The following OR4P4 variants were observed in gnomAD, a reference collection of about 807,000 sequenced individuals.
OR4P4 encodes the protein olfactory receptor family 4 subfamily P member 4.
A neutral mutation model predicts 2.1 loss-of-function variants in OR4P4; 1 was observed. The ratio of observed to expected loss-of-function variants is 0.47; its 90% CI spans 0.17 to 2.21. The LOEUF is 2.21. Ranked by LOEUF, OR4P4 falls within the 30% of genes most tolerant of loss-of-function variation. OR4P4 has a pLI of 0.27. For missense variants in OR4P4, 375 were observed against 376.5 expected (o/e 1.00, Z 0.03); for synonymous variants, 129 against 133.2 (o/e 0.97, Z 0.22).
chr11:55,639,022 C>A lies in OR4P4; in HGVS notation c.665C>A (p.Thr222Asn), dbSNP rs768041591. The A allele has an allele frequency of 1.3e-6, 2 of 1,491,948 alleles. 1 individual carries two copies. Among genetic ancestry groups the A allele is most frequent in the Non-Finnish European group, 1.8e-6 (2 of 1,097,028 alleles). The allele number at this position is 1,491,948 out of a possible 1,614,324, so 92.4% of individuals were successfully genotyped here. A position where few individuals can be genotyped will look rare whatever the true frequency, so the allele number is the denominator to read the frequency against. The stretch of plus-strand genomic sequence containing the variant: ...TTGTCTTATGTTTTTATATTGTATA[C>A]CATCAGAGCATACTCTGCAGAGAGA... The change falls in exon 2 of 2, where the codon ACC (threonine) becomes AAC (asparagine). Residue 222 changes from threonine to asparagine, a missense_variant. Coordinates refer to ENST00000641760, the Ensembl canonical transcript of OR4P4.
intron 1 of OR4P4, among the ~76,000 whole-genome samples, chr11:55,635,881 T>G (rs1174276000): frequency 7.3e-6 from 1 of 137,522 alleles, no homozygotes; most frequent in Non-Finnish European, 1.6e-5. Context: ...ACACTAAGCT[T>G]AAGGAGGACC....
exon 2 of OR4P4, chr11:55,639,284 T>C (rs775881168): frequency 7.0e-7 from 1 of 1,420,634 alleles, no homozygotes; most frequent in African/African-American, 1.4e-5. Flanking sequence ...TGAAAAGAAA[T>C]CAACTTTTCT....
In OR4P4 at chr11:55,637,234, T is replaced by G. The variant is rs534724603; in HGVS notation, c.-30-1094T>G. On this transcript the variant is annotated intron_variant, in intron 1 of 1. Coordinates refer to ENST00000641760, the Ensembl canonical transcript of OR4P4. ...TACTTTACTTACAGGCTTAATTTTA[T>G]GTAAGAGTCTTAATATGCTTGTTGG... Among the ~76,000 whole-genome samples the G allele has an allele frequency of 4.9e-4, 68 of 138,710 alleles. 16 individuals are homozygous for G. Among genetic ancestry groups the G allele is most frequent in the Admixed American group, 4.7e-4 (6 of 12,790 alleles). 91.0% of individuals were successfully genotyped at this position (138,710 alleles called of 152,430 possible).
chr11:55,639,785 T>A (rs1858437184), exon 2 of OR4P4: 2 of 140,152 alleles, frequency 1.4e-5, no homozygotes, highest in Non-Finnish European at 3.1e-5. Context: ...GAGGTCCTCC[T>A]TATTCCTCTT....
chr11:55,636,123 A>G (rs1858385490), intron 1 of OR4P4, among the ~76,000 whole-genome samples: 1 of 137,778 alleles, frequency 7.3e-6, no homozygotes, highest in Admixed American at 7.9e-5. Context: ...GCAGAAAGGA[A>G]ACATATGCGC....
rs2120178722 is a variant in OR4P4 at position 55,636,084 on chromosome 11, G to C, written c.-31+868G>C. On this transcript the variant is annotated intron_variant, in intron 1 of 1. Transcript: ENST00000641760. ...AATGATATTGTGAGAAGAGTTCTTA[G>C]ATAGAATTGAGGCTAGTGTCCTCAT... is the stretch of plus-strand genomic sequence containing the variant. Among the ~76,000 whole-genome samples the C allele has an allele frequency of 1.4e-5, 2 of 137,944 alleles. 1 individual carries two copies. Among genetic ancestry groups the C allele is most frequent in the South Asian group, 4.7e-4 (2 of 4,242 alleles). 90.5% of individuals were successfully genotyped at this position (137,944 alleles called of 152,430 possible).
intron 1 of OR4P4, among the ~76,000 whole-genome samples, chr11:55,636,877 A>G (rs1858394472): frequency 7.2e-6 from 1 of 138,416 alleles, no homozygotes; most frequent in Non-Finnish European, 1.6e-5. Context: ...AAAGCATTTT[A>G]AAACAAGTTA....
chr11:55,636,034 T>C (rs1328722699), intron 1 of OR4P4, among the ~76,000 whole-genome samples: 1 of 137,692 alleles, frequency 7.3e-6, no homozygotes, highest in Non-Finnish European at 1.6e-5. Context: ...TGAAAAACTT[T>C]GACAAAAAAG....
At chr11:55,639,126 A>C in exon 2 of OR4P4, 1 of 1,494,044 alleles carries the variant, frequency 6.7e-7, no homozygotes, top group Non-Finnish European at 9.1e-7. Flanking sequence ...GTTCATTTAC[A>C]TTAGACCGGT....
rs1268760821 is a variant in OR4P4, at chr11:55,636,443, C to T, written c.-31+1227C>T. ...TTAAGTATCACTGTCTAAAATGGAG[C>T]GATGACTGAAATTCAAGAAGTGTCC... On this transcript the variant is annotated intron_variant, in intron 1 of 1. Transcript: ENST00000641760. 1.5e-5 allele frequency among the ~76,000 whole-genome samples: 2 copies of T among 137,802 alleles called. 1 individual carries two copies. Among genetic ancestry groups the T allele is most frequent in the African/African-American group, 5.0e-5 (2 of 39,846 alleles). 90.4% of individuals were successfully genotyped at this position (137,802 alleles called of 152,430 possible). A position where few individuals can be genotyped will look rare whatever the true frequency, so the allele number is the denominator to read the frequency against.
exon 2 of OR4P4, chr11:55,638,359 T>C: frequency 7.5e-7 from 1 of 1,325,946 alleles, no homozygotes; most frequent in South Asian, 1.4e-5. Flanking sequence ...CACTGGACCA[T>C]GGAAAAAAGC....
At chr11:55,637,257 T>C (rs115820907) in intron 1 of OR4P4, among the ~76,000 whole-genome samples, 1,488 of 138,594 alleles carry the variant, frequency 0.011, 177 homozygotes, top group African/African-American at 0.036. Context: ...ATATGCTTGT[T>C]GGGGTTAAGA....
Position 55,639,542 on chromosome 11 carries a change from A to G in OR4P4, c.*246A>G, listed in dbSNP as rs1472551243. 1.8e-5 allele frequency: 6 copies of G among 327,698 alleles called. 1 individual carries two copies. In the East Asian group the frequency reaches 3.4e-4, roughly 18 times the overall value. The allele number at this position is 327,698 out of a possible 1,614,324, so 20.3% of individuals were successfully genotyped here. On this transcript the variant is annotated 3_prime_UTR_variant, in exon 2 of 2. Transcript: ENST00000641760. ...CATGAAATAACCAGAAAATTTCTTAAAAATAAAGGATTACATGGCGTTGTG... is the reference window on the plus strand; with the variant it reads ...CATGAAATAACCAGAAAATTTCTTAGAAATAAAGGATTACATGGCGTTGTG...
At chr11:55,638,528 G>C in exon 2 of OR4P4, 1 of 1,486,706 alleles carries the variant, frequency 6.7e-7, no homozygotes, top group Non-Finnish European at 9.1e-7. Context: ...ACCAACCCAT[G>C]TATTTCTTCC....
In OR4P4 at chr11:55,637,013, T is replaced by C. The variant is rs1335498571; in HGVS notation, c.-30-1315T>C. 2.2e-5 allele frequency among the ~76,000 whole-genome samples: 3 copies of C among 137,988 alleles called. 1 individual carries two copies. Among genetic ancestry groups the C allele is most frequent in the Non-Finnish European group, 4.9e-5 (3 of 61,818 alleles). 90.5% of individuals were successfully genotyped at this position (137,988 alleles called of 152,430 possible). A position where few individuals can be genotyped will look rare whatever the true frequency, so the allele number is the denominator to read the frequency against. ...TTAAAAAAAAGCACTAACATTGTAGTAGTTAAACATGGTGGTTCTATGTCT... is the reference window on the plus strand; with the variant it reads ...TTAAAAAAAAGCACTAACATTGTAGCAGTTAAACATGGTGGTTCTATGTCT... On this transcript the variant is annotated intron_variant, in intron 1 of 1. Coordinates refer to ENST00000641760, the Ensembl canonical transcript of OR4P4.
intron 1 of OR4P4, among the ~76,000 whole-genome samples, chr11:55,637,162 T>A (rs1423069027): frequency 2.9e-5 from 4 of 138,274 alleles, no homozygotes; most frequent in Non-Finnish European, 6.5e-5. Flanking sequence ...TTACAGTAAA[T>A]GAAGACAGAT....
chr11:55,638,558 C>A lies in OR4P4; in HGVS notation c.201C>A (p.Ser67=), dbSNP rs760950056. 2.9e-5 allele frequency: 43 copies of A among 1,480,344 alleles called. 7 individuals carry two copies. Among genetic ancestry groups the A allele is most frequent in the Middle Eastern group, 1.9e-4 (1 of 5,248 alleles). 91.7% of individuals were successfully genotyped at this position (1,480,344 alleles called of 1,614,324 possible). ...TCTTCCTCAATTACCTCTCACTCTC[C>A]GACCTTTGCTACACATCCACAGTGA... is the stretch of plus-strand genomic sequence containing the variant. Residue 67 remains serine (S), a synonymous_variant, in exon 2 of 2, where the codon TCC becomes TCA. Transcript: ENST00000641760.
rs769574862 is a variant in OR4P4, at chr11:55,638,300, T to A, written c.-30-28T>A. The A allele has an allele frequency of 3.7e-6, 3 of 816,570 alleles. 1 individual carries two copies. The highest frequency in any genetic ancestry group is 5.6e-6 in the Non-Finnish European group (3 of 538,920). 50.6% of individuals were successfully genotyped at this position (816,570 alleles called of 1,614,324 possible). Reference sequence around the variant, plus strand: ...ATCATTGTACTTCTTAACAAAGACTTGTAAGCTTATAAATTATGTCATTTC... The same window carrying A: ...ATCATTGTACTTCTTAACAAAGACTAGTAAGCTTATAAATTATGTCATTTC... On this transcript the variant is annotated intron_variant, in intron 1 of 1. Coordinates refer to ENST00000641760, the Ensembl canonical transcript of OR4P4.
exon 2 of OR4P4, chr11:55,640,104 A>G (rs1387222899): frequency 1.5e-5 from 2 of 135,546 alleles, no homozygotes; most frequent in African/African-American, 5.1e-5. Context: ...ACGGCACTCT[A>G]GCCTGGGTGA....
Sources: allele counts gnomAD v4.1 joint callset (sites outside exome capture counted in the v4.1 genomes callset), GRCh38; gene constraint gnomAD v4.1.1; transcripts MANE v1.5; gene names NCBI Gene and HGNC (gene_info 2026-07-23, HGNC 2026-07-21).